The following CREBBP variants were observed in gnomAD, a reference collection of about 807,000 sequenced individuals.
CREBBP encodes CREB binding lysine acetyltransferase, also known as CREB-binding protein.
Under a neutral mutation model 265.0 loss-of-function variants are expected in CREBBP, and 19 were observed. That is an observed-to-expected ratio of 0.07 (90% CI 0.05 to 0.11). CREBBP has a LOEUF of 0.11. CREBBP is among the 10% of genes least tolerant of loss of function. The pLI is 1.00. For missense variants in CREBBP, 2,525 were observed against 3,219.0 expected (o/e 0.78, Z 5.22); for synonymous variants, 1,457 against 1,223.7 (o/e 1.19, Z -3.98).
chr16:3,792,149 C>G (rs201972233), intron 4 of CREBBP, 55 bp from the exon 5 acceptor site: 2 of 1,329,212 alleles, frequency 1.5e-6, no homozygotes, highest in East Asian at 4.6e-5. Context: ...GTCACACTTT[C>G]AATTATACCT....
intron 18 of CREBBP, 97 bp downstream of exon 18, chr16:3,757,712 C>T: frequency 6.6e-7 from 1 of 1,525,602 alleles, no homozygotes; most frequent in South Asian, 1.1e-5. Context: ...TGCACATATG[C>T]ACTCCCAGTA....
intron 5 of CREBBP, among the ~76,000 whole-genome samples, chr16:3,786,830 G>C (rs1305469861): frequency 6.6e-6 from 1 of 152,126 alleles, no homozygotes; most frequent in Non-Finnish European, 1.5e-5. Flanking sequence ...CCAGCACTTT[G>C]GGAGTATGAG....
chr16:3,826,074 G>A lies in CREBBP; in HGVS notation c.799-15295C>T, dbSNP rs370458127. 3.3e-5 allele frequency among the ~76,000 whole-genome samples: 5 copies of A among 152,322 alleles called. No homozygotes were observed. The East Asian group carries it at 9.7e-4, about 29-fold the overall frequency. ...CCATCTCTACAAAAAACAGCCGGGT[G>A]CAGTGGCATGAGCCTGTAGTCCCAG... is the stretch of plus-strand genomic sequence containing the variant. On this transcript the variant is annotated intron_variant, in intron 2 of 30. Transcript: ENST00000262367.
At chr16:3,876,752 G>A (rs1465701517) in intron 1 of CREBBP, among the ~76,000 whole-genome samples, 5 of 152,104 alleles carry the variant, frequency 3.3e-5, no homozygotes, top group Non-Finnish European at 7.4e-5. Context: ...GAAAGGTACC[G>A]TTTCTCTCTT....
In CREBBP at chr16:3,727,223, A is replaced by G. The variant is rs1596778883; in HGVS notation, c.*495T>C. 2 of 255,980 alleles carry G rather than the reference A, an allele frequency of 7.8e-6. No homozygotes were observed. Among genetic ancestry groups the G allele is most frequent in the African/African-American group, 4.4e-5 (2 of 45,418 alleles). 15.9% of individuals were successfully genotyped at this position (255,980 alleles called of 1,614,324 possible). A position where few individuals can be genotyped will look rare whatever the true frequency, so the allele number is the denominator to read the frequency against. ...CTGGGAGACGCCCACAGAGTTCACTATAGAAAAAAATCTTCCCGAAACATC... is the reference window on the plus strand; with the variant it reads ...CTGGGAGACGCCCACAGAGTTCACTGTAGAAAAAAATCTTCCCGAAACATC... On this transcript the variant is annotated 3_prime_UTR_variant, in exon 31 of 31. Transcript: ENST00000262367.
At chr16:3,733,361 C>CA (rs373861759) in intron 28 of CREBBP, among the ~76,000 whole-genome samples, 7,932 of 81,562 alleles carry the variant, frequency 0.097, 892 homozygotes, top group African/African-American at 0.27. Context: ...GACTCCATCT[C>CA]AAAAAAAAAA....
intron 1 of CREBBP, 64 bp downstream of exon 1, chr16:3,879,768 G>A: frequency 6.7e-7 from 1 of 1,498,186 alleles, no homozygotes; most frequent in Non-Finnish European, 9.1e-7. Context: ...ACCCCCGGAC[G>A]CTCTCTTTCA....
intron 3 of CREBBP, among the ~76,000 whole-genome samples, chr16:3,804,846 T>C (rs1738580666): frequency 6.6e-6 from 1 of 152,222 alleles, no homozygotes; most frequent in African/African-American, 2.4e-5. Context: ...TGCTTCCACC[T>C]AGGAGGTTTT....
intron 3 of CREBBP, among the ~76,000 whole-genome samples, chr16:3,797,355 T>A (rs1315032292): frequency 6.6e-6 from 1 of 152,182 alleles, no homozygotes; most frequent in Admixed American, 6.5e-5. Context: ...GAAACAGACA[T>A]AGGTGTATAT....
At chr16:3,856,540 C>G (rs747095362) in intron 1 of CREBBP, among the ~76,000 whole-genome samples, 7 of 152,130 alleles carry the variant, frequency 4.6e-5, no homozygotes, top group Admixed American at 6.6e-5. Context: ...AGGCTGGTCT[C>G]AAACTCCTGG....
intron 2 of CREBBP, among the ~76,000 whole-genome samples, chr16:3,814,398 G>T (rs1473574777): frequency 6.6e-6 from 1 of 152,108 alleles, no homozygotes; most frequent in East Asian, 1.9e-4. Flanking sequence ...GAGTTCACAG[G>T]CATGCACCAC....
rs372782725 is a variant in CREBBP, at chr16:3,833,136, G to C, written c.798+17161C>G. 1.5e-3 allele frequency among the ~76,000 whole-genome samples: 223 copies of C among 152,362 alleles called. 5 individuals are homozygous for C. Among genetic ancestry groups the C allele is most frequent in the Middle Eastern group, 0.01 (3 of 294 alleles). On this transcript the variant is annotated intron_variant, in intron 2 of 30. Transcript: ENST00000262367. ...GTTTTATTAAACATTGTGCTGGCCAGGCACGGTGGCTCACACCTATAATCC... is the reference window on the plus strand; with the variant it reads ...GTTTTATTAAACATTGTGCTGGCCACGCACGGTGGCTCACACCTATAATCC...
chr16:3,786,281 G>A (rs187735648), intron 5 of CREBBP, among the ~76,000 whole-genome samples: 14 of 152,208 alleles, frequency 9.2e-5, no homozygotes, highest in Admixed American at 5.9e-4. Context: ...CAGGAGAACC[G>A]CTTGAACCTA....
At chr16:3,861,026 A>C (rs1597072168) in intron 1 of CREBBP, among the ~76,000 whole-genome samples, 1 of 152,300 alleles carries the variant, frequency 6.6e-6, no homozygotes, top group East Asian at 1.9e-4. Flanking sequence ...TAATCCCAGC[A>C]CTTTGGGAGG....
chr16:3,775,604 T>C (rs1157446069), intron 11 of CREBBP, among the ~76,000 whole-genome samples: 2 of 152,194 alleles, frequency 1.3e-5, no homozygotes, highest in Non-Finnish European at 2.9e-5. Context: ...GGAGTGCCGA[T>C]GCAGACCAGG....
At position 3,767,730 on chromosome 16, in the gene CREBBP, C is replaced by T. The variant is rs371281605; in HGVS notation, c.3240G>A (p.Pro1080=). The change falls in exon 16 of 31, where the codon CCG becomes CCA. Residue 1080 remains proline (P), a synonymous_variant. Transcript: ENST00000262367. ...GAATAAATGGCCTACTTTTTTTGCG[C>T]GGCTGCGAAGGAGATGTTGACTGAG... ...TASQSTSPSQ[P]RKKIFKPEEL... The T allele has an allele frequency of 6.9e-5, 111 of 1,614,018 alleles. No individual in the cohort carries two copies. Among genetic ancestry groups the T allele is most frequent in the Non-Finnish European group, 8.6e-5 (101 of 1,180,022 alleles).
chr16:3,760,525 C>T (rs992401281), intron 16 of CREBBP, among the ~76,000 whole-genome samples: 3 of 150,452 alleles, frequency 2.0e-5, no homozygotes, highest in African/African-American at 7.4e-5. Flanking sequence ...GCCTCAGCCT[C>T]CCGAGTAGCT....
intron 1 of CREBBP, among the ~76,000 whole-genome samples, chr16:3,877,493 C>T (rs2055427846): frequency 6.6e-6 from 1 of 152,176 alleles, no homozygotes; most frequent in South Asian, 2.1e-4. Flanking sequence ...ACCTCTGCCT[C>T]CCGAGTTCAA....
At chr16:3,777,514 G>C (rs546501012) in intron 11 of CREBBP, 99 bp downstream of exon 11, 2 of 1,242,798 alleles carry the variant, frequency 1.6e-6, no homozygotes, top group Admixed American at 1.7e-5. Flanking sequence ...AAAGAAGAAA[G>C]GGTTAGAAAG....
Sources: allele counts gnomAD v4.1 joint callset (sites outside exome capture counted in the v4.1 genomes callset), GRCh38; gene constraint gnomAD v4.1.1; transcripts MANE v1.5; gene names NCBI Gene and HGNC (gene_info 2026-07-23, HGNC 2026-07-21).